The following SLC9A1 variants were observed in gnomAD, a reference collection of about 807,000 sequenced individuals.
The protein encoded by SLC9A1 is solute carrier family 9 member A1.
A neutral mutation model predicts 67.9 loss-of-function variants in SLC9A1; 22 were observed. The ratio of observed to expected loss-of-function variants is 0.32; its 90% CI spans 0.23 to 0.46. The LOEUF (loss-of-function observed/expected upper bound fraction) is 0.46, where lower values mean the gene tolerates loss of function less well. SLC9A1 is among the 20% of genes least tolerant of loss of function. The pLI is 1.00. For synonymous variants in SLC9A1, 421 were observed against 471.8 expected (o/e 0.89, Z 1.40); for missense variants, 686 against 1,094.8 (o/e 0.63, Z 5.27).
Position 27,109,491 on chromosome 1 carries a change from C to T in SLC9A1, c.1064+36G>A. On this transcript the variant is annotated intron_variant, in intron 3 of 11. Transcript: ENST00000263980. This position sits in a 1 kb window ranked among gnomAD's most constrained non-coding sequence, Gnocchi z 5.5. ...CCAAGCTGGCAGCCCCCGCCCCCAC[C>T]CCGCCAAGCCCACTGCCTGCTGCAC... The T allele has an allele frequency of 1.9e-6, 3 of 1,604,928 alleles. No homozygotes were observed. The highest frequency in any genetic ancestry group is 2.5e-6 in the Non-Finnish European group (3 of 1,177,310).
chr1:27,112,030 T>C (rs2083231644), intron 2 of SLC9A1, among the ~76,000 whole-genome samples: 1 of 152,182 alleles, frequency 6.6e-6, no homozygotes, highest in Non-Finnish European at 1.5e-5. Flanking sequence ...GGCTTTATCT[T>C]TGGCACTCAC....
intron 1 of SLC9A1, among the ~76,000 whole-genome samples, chr1:27,144,004 G>A (rs947505899): frequency 1.3e-5 from 2 of 151,918 alleles, no homozygotes. Flanking sequence ...TGTACTGTTG[G>A]GTTTTATTTT....
Position 27,154,560 on chromosome 1 carries a change from C to A in SLC9A1, c.-226G>T. The stretch of plus-strand genomic sequence containing the variant: ...AAAGGGGGCAAGGACCCAGGAACGA[C>A]CACGAAAGGAGACCAAAAGGTCTGG... On this transcript the variant is annotated 5_prime_UTR_variant, in exon 1 of 12. Transcript: ENST00000263980. The A allele has an allele frequency of 2.1e-6, 1 of 477,298 alleles. No homozygotes were observed. Among genetic ancestry groups the A allele is most frequent in the Non-Finnish European group, 3.7e-6 (1 of 268,978 alleles). 29.6% of individuals were successfully genotyped at this position (477,298 alleles called of 1,614,324 possible).
chr1:27,147,720 G>A (rs1178820084), intron 1 of SLC9A1, among the ~76,000 whole-genome samples: 2 of 152,222 alleles, frequency 1.3e-5, no homozygotes, highest in East Asian at 1.9e-4. Flanking sequence ...CTCAGGCCAG[G>A]AGCAGTGGCT....
intron 1 of SLC9A1, among the ~76,000 whole-genome samples, chr1:27,153,646 C>T (rs761299551): frequency 6.6e-6 from 1 of 152,252 alleles, no homozygotes; most frequent in Non-Finnish European, 1.5e-5. Flanking sequence ...GTCTCACACA[C>T]AGCGGGGTGC....
chr1:27,145,863 A>G (rs2083481923), intron 1 of SLC9A1, among the ~76,000 whole-genome samples: 1 of 152,220 alleles, frequency 6.6e-6, no homozygotes, highest in African/African-American at 2.4e-5. Flanking sequence ...TAGGGGGAAG[A>G]AAATGAAGTC....
chr1:27,111,788 CTGTG>C (rs1344112563), intron 2 of SLC9A1, among the ~76,000 whole-genome samples: 3 of 152,266 alleles, frequency 2.0e-5, no homozygotes, highest in Admixed American at 6.5e-5. Flanking sequence ...GTGACACTGT[CTGTG>C]TGACAGGAGA....
At chr1:27,124,477 G>C (rs1358383220) in intron 1 of SLC9A1, among the ~76,000 whole-genome samples, 1 of 152,208 alleles carries the variant, frequency 6.6e-6, no homozygotes, top group Non-Finnish European at 1.5e-5. Flanking sequence ...GGAATATAAA[G>C]AGGTACCAGT....
chr1:27,113,294 A>C (rs2083243171), intron 2 of SLC9A1, among the ~76,000 whole-genome samples: 1 of 152,090 alleles, frequency 6.6e-6, no homozygotes, highest in Admixed American at 6.6e-5. Context: ...CCCCATCTCC[A>C]CAAAAAATTT....
intron 1 of SLC9A1, among the ~76,000 whole-genome samples, chr1:27,129,281 G>T (rs2083369034): frequency 6.6e-6 from 1 of 152,168 alleles, no homozygotes; most frequent in South Asian, 2.1e-4. Context: ...CAGCTGGCTG[G>T]GCTCTGTGTG....
intron 1 of SLC9A1, among the ~76,000 whole-genome samples, chr1:27,131,104 A>G (rs2083381202): frequency 6.6e-6 from 1 of 152,180 alleles, no homozygotes. Context: ...CAAGGTGTAC[A>G]TGCCTCCCTC....
intron 2 of SLC9A1, among the ~76,000 whole-genome samples, chr1:27,110,631 C>A (rs2083221591): frequency 6.6e-6 from 1 of 152,196 alleles, no homozygotes; most frequent in East Asian, 1.9e-4. Context: ...GCAGGTGGGT[C>A]AAGGATGCTC....
At position 27,106,720 on chromosome 1, in the gene SLC9A1, C is replaced by T. The variant is rs2083187312; in HGVS notation, c.1283-633G>A. ...AACCCATGCACCTGGGGCCTGGTCC[C>T]CACGTGTGCCCCGGCCTGCTGCATA... On this transcript the variant is annotated intron_variant, in intron 4 of 11. Transcript: ENST00000263980. The surrounding 1 kb of genome is among the most constrained non-coding windows in gnomAD (Gnocchi z 4.3). Among the ~76,000 whole-genome samples, 1 of 152,010 alleles carries T rather than the reference C, an allele frequency of 6.6e-6. No individual in the cohort carries two copies. The highest frequency in any genetic ancestry group is 1.5e-5 in the Non-Finnish European group (1 of 67,976).
At chr1:27,139,817 C>T (rs2083442890) in intron 1 of SLC9A1, among the ~76,000 whole-genome samples, 1 of 145,928 alleles carries the variant, frequency 6.9e-6, no homozygotes, top group Non-Finnish European at 1.5e-5. Context: ...TTTTTTGAAA[C>T]AGAGTTTCGC....
At chr1:27,115,545 G>A (rs1165038134) in intron 1 of SLC9A1, among the ~76,000 whole-genome samples, 2 of 152,042 alleles carry the variant, frequency 1.3e-5, no homozygotes, top group African/African-American at 4.8e-5. Context: ...CTGGCATGGT[G>A]GCTCATGCCT....
At chr1:27,134,215 C>A (rs2083404513) in intron 1 of SLC9A1, among the ~76,000 whole-genome samples, 1 of 151,784 alleles carries the variant, frequency 6.6e-6, no homozygotes, top group Admixed American at 6.6e-5. Context: ...GTGCAGACTC[C>A]TGGGGTTCAG....
At chr1:27,148,006 AG>A (rs1004866375) in intron 1 of SLC9A1, among the ~76,000 whole-genome samples, 25 of 152,138 alleles carry the variant, frequency 1.6e-4, no homozygotes, top group Non-Finnish European at 4.4e-5. Flanking sequence ...AAAAAAAAAA[AG>A]AAAAAAGAAA....
chr1:27,122,219 C>A (rs1437781163), intron 1 of SLC9A1, among the ~76,000 whole-genome samples: 1 of 152,150 alleles, frequency 6.6e-6, no homozygotes, highest in Non-Finnish European at 1.5e-5. Context: ...GAGTCAGGTG[C>A]CCCTCCAAAC....
At chr1:27,146,553 T>C (rs1051694777) in intron 1 of SLC9A1, among the ~76,000 whole-genome samples, 1 of 152,224 alleles carries the variant, frequency 6.6e-6, no homozygotes, top group African/African-American at 2.4e-5. Context: ...CAGACAAATC[T>C]GGGCTTAAAC....
Sources: allele counts gnomAD v4.1 joint callset (sites outside exome capture counted in the v4.1 genomes callset), GRCh38; gene constraint gnomAD v4.1.1; non-coding constraint Gnocchi (gnomAD v3.1); transcripts MANE v1.5; gene names NCBI Gene and HGNC (gene_info 2026-07-23, HGNC 2026-07-21).